NRBP2: variants seen among roughly 807,000 people sequenced by gnomAD.
NRBP2 encodes the protein nuclear receptor-binding protein 2.
Under a neutral mutation model 74.4 loss-of-function variants are expected in NRBP2, and 47 were observed. The ratio of observed to expected loss-of-function variants is 0.63; its 90% CI spans 0.50 to 0.81. NRBP2 has a LOEUF of 0.81. Among genes scored for constraint, NRBP2 ranks in the 30% least tolerant of loss-of-function variants. The pLI is 0.00. For synonymous variants in NRBP2, 312 were observed against 273.8 expected (o/e 1.14, Z -1.38); for missense variants, 613 against 690.1 (o/e 0.89, Z 1.25).
chr8:143,839,404 G>A lies in NRBP2; in HGVS notation c.490C>T (p.Leu164=), dbSNP rs782366715. ...ATGATTGGGGGGCTGCAGGCGTGCA[G>A]GAAGCTGCAGACGTTGGGGAGGGGA... ...CTQILSALSF[L]HACSPPIIHG... Residue 164 remains leucine (L), a synonymous_variant, in exon 6 of 18, where the codon CTG becomes TTG. Coordinates refer to ENST00000442628, the MANE Select transcript of NRBP2 (RefSeq NM_178564.4). The surrounding 1 kb of genome is among the most constrained non-coding windows in gnomAD (Gnocchi z 5.1). The A allele has an allele frequency of 3.2e-6, 5 of 1,570,268 alleles. No individual in the cohort carries two copies. The highest frequency in any genetic ancestry group is 2.3e-5 in the South Asian group (2 of 86,890).
At chr8:143,836,948 G>T in intron 14 of NRBP2, 91 bp downstream of exon 14, 1 of 1,418,398 alleles carries the variant, frequency 7.1e-7, no homozygotes, top group Non-Finnish European at 9.7e-7. Flanking sequence ...TGGGCTGTGG[G>T]GATGCAGGCC....
chr8:143,839,813 T>TGTCATCA lies in NRBP2; in HGVS notation c.366_367insTGATGAC (p.Thr123Ter). 1 of 1,536,086 alleles carries TGTCATCA rather than the reference T, an allele frequency of 6.5e-7. No homozygotes were observed. Among genetic ancestry groups the TGTCATCA allele is most frequent in the Non-Finnish European group, 8.7e-7 (1 of 1,146,876 alleles). ...AGGCTGCCTGATGACACGTACTCTG[T>TGTCATCA]GATGAAGATGACCTGCACGGTGCGA... On this transcript the variant is annotated stop_gained and frameshift_variant, in exon 4 of 18. Transcript: ENST00000442628. LOFTEE classifies it high-confidence loss of function. The surrounding 1 kb of genome is among the most constrained non-coding windows in gnomAD (Gnocchi z 5.1).
chr8:143,837,770 G>A lies in NRBP2; in HGVS notation c.841-15C>T, dbSNP rs1818488334. Reference sequence around the variant, plus strand: ...AGGATGAACTCCTGGGGCACAGGGAGGAGAGGCTGGTGGTGTGCAAGGGCT... The same window carrying A: ...AGGATGAACTCCTGGGGCACAGGGAAGAGAGGCTGGTGGTGTGCAAGGGCT... On this transcript the variant is annotated splice_polypyrimidine_tract_variant and intron_variant, in intron 10 of 17. Transcript: ENST00000442628. The surrounding 1 kb of genome is among the most constrained non-coding windows in gnomAD (Gnocchi z 4.3). 2 of 1,556,348 alleles carry A rather than the reference G, an allele frequency of 1.3e-6. No individual in the cohort carries two copies. Among genetic ancestry groups the A allele is most frequent in the Admixed American group, 2.0e-5 (1 of 51,098 alleles).
chr8:143,833,254 AAC>A (rs1435217213), downstream of NRBP2: 6 of 152,340 alleles, frequency 3.9e-5, no homozygotes, highest in Admixed American at 3.3e-4. Context: ...ATCAATGACA[AAC>A]ACATATAGAA....
At position 143,836,187 on chromosome 8, in the gene NRBP2, CG is replaced by C; in HGVS notation, c.1264-8del. 1 of 1,541,936 alleles carries C rather than the reference CG, an allele frequency of 6.5e-7. No homozygotes were observed. Among genetic ancestry groups the C allele is most frequent in the Non-Finnish European group, 8.7e-7 (1 of 1,151,890 alleles). ...TGCACTGCATCTGGATGACCTGCAGCGGGGGAAGGCTGGGACTCACAAACCC... is the reference window on the plus strand; with the variant it reads ...TGCACTGCATCTGGATGACCTGCAGCGGGGAAGGCTGGGACTCACAAACCC... On this transcript the variant is annotated splice_polypyrimidine_tract_variant and splice_region_variant and intron_variant, in intron 14 of 17. Coordinates refer to ENST00000442628, the MANE Select transcript of NRBP2 (RefSeq NM_178564.4).
chr8:143,836,998 G>A (rs529676581), intron 14 of NRBP2, 41 bp downstream of exon 14: 1 of 1,588,052 alleles, frequency 6.3e-7, no homozygotes, highest in African/African-American at 1.4e-5. Flanking sequence ...GCTGTTAGAA[G>A]GTCTGAGGGA....
In NRBP2 at chr8:143,840,323, G is replaced by A. The variant is rs915460931; in HGVS notation, c.130-94C>T. The A allele has an allele frequency of 2.0e-6, 3 of 1,473,344 alleles. No individual in the cohort carries two copies. The African/African-American group carries it at 4.2e-5, about 20-fold the overall frequency. The allele number at this position is 1,473,344 out of a possible 1,614,324, so 91.3% of individuals were successfully genotyped here. ...GTCCACACCTTTCCAGTGGGCCCAA[G>A]CGTGGGCTGCAGGCCCTGAGCCACT... On this transcript the variant is annotated intron_variant, in intron 1 of 17. Transcript: ENST00000442628. The surrounding 1 kb of genome is among the most constrained non-coding windows in gnomAD (Gnocchi z 5.7).
downstream of NRBP2, among the ~76,000 whole-genome samples, chr8:143,831,969 T>C (rs1818179703): frequency 1.3e-5 from 2 of 152,210 alleles, no homozygotes; most frequent in African/African-American, 2.4e-5. Context: ...GTTAAGCATA[T>C]GTGAGGTTAG....
rs781953980 is a variant in NRBP2, at chr8:143,837,073, G to A, written c.1229C>T (p.Pro410Leu). ...CTCAGAGTCAAAGGGCTCTGGCGTC[G>A]GGGTCTTGGCCTTTTGGACCTCCTC... is the stretch of plus-strand genomic sequence containing the variant. ...PPEEVQKAKT[P>L]TPEPFDSETR... The change falls in exon 14 of 18, where the codon CCG (proline) becomes CTG (leucine). Residue 410 changes from proline to leucine, a missense_variant. Physicochemically the swap from Pro to Leu is moderately conservative, Grantham distance 98. Around this residue, in one of 2 missense-constraint regions of NRBP2, gnomAD observed 281 missense variants for 260.9 expected, o/e 1.08. Transcript: ENST00000442628. The surrounding 1 kb of genome is among the most constrained non-coding windows in gnomAD (Gnocchi z 4.3). 43 of 1,611,722 alleles carry A rather than the reference G, an allele frequency of 2.7e-5. No individual in the cohort carries two copies. In the East Asian group the frequency reaches 3.1e-4, roughly 12 times the overall value.
In NRBP2 at chr8:143,833,658, AAAC is replaced by A. The variant is rs1455190737; in HGVS notation, c.*2001_*2003del. 1 of 152,256 alleles carries A rather than the reference AAAC, an allele frequency of 6.6e-6. No individual in the cohort carries two copies. The highest frequency in any genetic ancestry group is 1.5e-5 in the Non-Finnish European group (1 of 68,048). The allele number at this position is 152,256 out of a possible 1,614,324, so 9.4% of individuals were successfully genotyped here. On this transcript the variant is annotated 3_prime_UTR_variant, in exon 18 of 18. Coordinates refer to ENST00000442628, the MANE Select transcript of NRBP2 (RefSeq NM_178564.4). ...CAAAAAAAAAACTATTCTACTTTAA[AAAC>A]AATACATATATAATTCTGAAAAGAT...
rs1249227577 is a variant in NRBP2 at position 143,837,908 on chromosome 8, C to T, written c.841-153G>A. 4.4e-6 allele frequency: 4 copies of T among 906,804 alleles called. No individual in the cohort carries two copies. The African/African-American group carries it at 6.6e-5, about 15-fold the overall frequency. 56.2% of individuals were successfully genotyped at this position (906,804 alleles called of 1,614,324 possible). A position where few individuals can be genotyped will look rare whatever the true frequency, so the allele number is the denominator to read the frequency against. ...CCATAGGGAGGAGTCCCAGCAGCAG[C>T]AGCCAGGCCAGGACCTGGTCCTCTG... On this transcript the variant is annotated intron_variant, in intron 10 of 17. Coordinates refer to ENST00000442628, the MANE Select transcript of NRBP2 (RefSeq NM_178564.4). The surrounding 1 kb of genome is among the most constrained non-coding windows in gnomAD (Gnocchi z 4.3).
chr8:143,837,962 G>A lies in NRBP2; in HGVS notation c.841-207C>T. The A allele has an allele frequency of 4.2e-6, 3 of 719,304 alleles. No homozygotes were observed. The highest frequency in any genetic ancestry group is 1.5e-5 in the South Asian group (1 of 67,100). The allele number at this position is 719,304 out of a possible 1,614,324, so 44.6% of individuals were successfully genotyped here. ...TTGAGGACAGCTGGGTTCTGGGATT[G>A]GAGCACCATGCTCTGCTTCCCTCGA... On this transcript the variant is annotated intron_variant, in intron 10 of 17. Transcript: ENST00000442628. This position sits in a 1 kb window ranked among gnomAD's most constrained non-coding sequence, Gnocchi z 4.3.
chr8:143,838,159 C>T (rs1206134340), intron 10 of NRBP2: 6 of 419,352 alleles, frequency 1.4e-5, no homozygotes, highest in Non-Finnish European at 2.7e-5. Flanking sequence ...CCAGCCCCGA[C>T]CAGGCACCCC....
chr8:143,836,704 G>A (rs13252889), intron 14 of NRBP2, among the ~76,000 whole-genome samples: 2 of 138,480 alleles, frequency 1.4e-5, no homozygotes, highest in Non-Finnish European at 1.6e-5. Context: ...GGGGTGGGGG[G>A]GGTGGGAGGG....
downstream of NRBP2, among the ~76,000 whole-genome samples, chr8:143,832,427 G>A (rs1362314761): frequency 2.0e-5 from 3 of 152,052 alleles, no homozygotes; most frequent in Non-Finnish European, 4.4e-5. Flanking sequence ...GTGCTGAGGA[G>A]GATTAGTAAA....
In NRBP2 at chr8:143,835,974, C is replaced by G; in HGVS notation, c.1374G>C (p.Leu458=). Residue 458 remains leucine, a synonymous_variant, in exon 16 of 18, where the codon CTG becomes CTC. Transcript: ENST00000442628. This position sits in a 1 kb window ranked among gnomAD's most constrained non-coding sequence, Gnocchi z 4.9. ...DRLHRQLTYD[L]LPTDSAQDLA... is the part of the protein sequence containing the mutation. ...GTCCCCTGCCCAGCCTACTTGGGAG[C>G]AGGTCGTAGGTCAGCTGCCGGTGCA... 4 of 1,592,666 alleles carry G rather than the reference C, an allele frequency of 2.5e-6. No homozygotes were observed. The highest frequency in any genetic ancestry group is 3.4e-6 in the Non-Finnish European group (4 of 1,171,906).
chr8:143,838,956 C>T lies in NRBP2; in HGVS notation c.689-18G>A, dbSNP rs782717318. ...GGCCACCTCTGAACAGAAGAGAGCA[C>T]AGGACACGTAGGAGAGAAGCGCAGG... is the stretch of plus-strand genomic sequence containing the variant. On this transcript the variant is annotated intron_variant, in intron 8 of 17. Coordinates refer to ENST00000442628, the MANE Select transcript of NRBP2 (RefSeq NM_178564.4). 1.9e-6 allele frequency: 3 copies of T among 1,594,104 alleles called. No homozygotes were observed. The highest frequency in any genetic ancestry group is 1.7e-5 in the Admixed American group (1 of 57,312).
Position 143,839,032 on chromosome 8 carries a change from G to A in NRBP2, c.673C>T (p.Pro225Ser). The A allele has an allele frequency of 6.5e-7, 1 of 1,543,692 alleles. No individual in the cohort carries two copies. The highest frequency in any genetic ancestry group is 1.2e-5 in the South Asian group (1 of 84,036). The stretch of plus-strand genomic sequence containing the variant: ...CACCACTCACCTCCATACTCTGGGG[G>A]GAAGAAGTGCAGGTTCCGAAGTTCC... The part of the protein sequence containing the change: ...REELRNLHFF[P>S]PEYGEVADGT... Residue 225 changes from proline to serine, a missense_variant, in exon 8 of 18, where the codon CCC becomes TCC. Physicochemically the swap from Pro to Ser is moderately conservative, Grantham distance 74 (BLOSUM62 -1). Transcript: ENST00000442628. The surrounding 1 kb of genome is among the most constrained non-coding windows in gnomAD (Gnocchi z 5.1).
chr8:143,840,954 C>G lies in NRBP2; in HGVS notation c.-120G>C. The G allele has an allele frequency of 8.8e-7, 1 of 1,136,654 alleles. No individual in the cohort carries two copies. The highest frequency in any genetic ancestry group is 1.1e-6 in the Non-Finnish European group (1 of 927,618). 70.4% of individuals were successfully genotyped at this position (1,136,654 alleles called of 1,614,324 possible). A position where few individuals can be genotyped will look rare whatever the true frequency, so the allele number is the denominator to read the frequency against. ...AGAGCCGCCGCGGCAGCCTAGAGCC[C>G]CAGCCCCGGCTCTGGGAATTGGGAG... On this transcript the variant is annotated 5_prime_UTR_variant, in exon 1 of 18. Transcript: ENST00000442628. This position sits in a 1 kb window ranked among gnomAD's most constrained non-coding sequence, Gnocchi z 5.7.
Sources: gnomAD v4.1 joint callset for allele counts (sites outside exome capture counted in the v4.1 genomes callset) on GRCh38, gnomAD v4.1.1 for gene constraint, gnomAD v4.1.1 regional missense constraint, Gnocchi (gnomAD v3.1) non-coding constraint, MANE v1.5 for transcripts, NCBI Gene and HGNC (gene_info 2026-07-23, HGNC 2026-07-21) for gene names.